Variants in FGF1 observed in about 807,000 individuals in gnomAD.
The protein encoded by FGF1 is fibroblast growth factor 1, also known as beta-endothelial cell growth factor.
A neutral mutation model predicts 13.4 loss-of-function variants in FGF1; 9 were observed. That is an observed-to-expected ratio of 0.67 (90% CI 0.40 to 1.17). The LOEUF (loss-of-function observed/expected upper bound fraction) is 1.17, where lower values mean the gene tolerates loss of function less well. Among genes scored for constraint, FGF1 ranks in the 50% most tolerant of loss-of-function variants. The pLI is 0.01. For synonymous variants in FGF1, 93 were observed against 79.0 expected, an observed-to-expected ratio of 1.18 and a Z score of -0.94; for missense variants, 156 against 192.7, an observed-to-expected ratio of 0.81 and a Z score of 1.13.
At position 142,615,501 on chromosome 5, in the gene FGF1, C is replaced by T. The variant is rs139223324; in HGVS notation, c.-34-1340G>A. On this transcript the variant is annotated intron_variant, in intron 1 of 3. Coordinates refer to ENST00000337706, the MANE Select transcript of FGF1 (RefSeq NM_000800.5). ...CCTCCCAAAGTGCTGGGATTACAGGCGTAAGCCACCGCGCCCGGCCTGGGA... is the reference window on the plus strand; with the variant it reads ...CCTCCCAAAGTGCTGGGATTACAGGTGTAAGCCACCGCGCCCGGCCTGGGA... 5.9e-5 allele frequency among the ~76,000 whole-genome samples: 9 copies of T among 152,308 alleles called. No homozygotes were observed. In the South Asian group the frequency reaches 8.3e-4, roughly 14 times the overall value.
At chr5:142,618,333 T>A (rs1760676352) in intron 1 of FGF1, among the ~76,000 whole-genome samples, 1 of 152,158 alleles carries the variant, frequency 6.6e-6, no homozygotes, top group South Asian at 2.1e-4. Flanking sequence ...ATGTGGATAG[T>A]AAGCAACCAC....
intron 1 of FGF1, among the ~76,000 whole-genome samples, chr5:142,659,152 AT>A (rs113945565): frequency 0.045 from 6,377 of 140,326 alleles, 460 homozygotes; most frequent in African/African-American, 0.15. Context: ...ACAGGCATGT[AT>A]TTTTTTTTTT....
Position 142,628,027 on chromosome 5 carries a change from G to A in FGF1, c.-34-13866C>T, listed in dbSNP as rs80324917. Among the ~76,000 whole-genome samples, 1,493 of 152,236 alleles carry A rather than the reference G, an allele frequency of 9.8e-3. 26 individuals are homozygous for A. Among genetic ancestry groups the A allele is most frequent in the African/African-American group, 0.034 (1,415 of 41,540 alleles). On this transcript the variant is annotated intron_variant, in intron 1 of 3. Coordinates refer to ENST00000337706, the MANE Select transcript of FGF1 (RefSeq NM_000800.5). ...CACAACCCAGCTGTTGGCAGGCAAA[G>A]GAGTCCTCCTTTATGGGAAGGAGAT...
At chr5:142,691,509 C>T (rs539526038) in intron 2 of FGF1, among the ~76,000 whole-genome samples, 1 of 152,130 alleles carries the variant, frequency 6.6e-6, no homozygotes, top group Admixed American at 6.5e-5. Flanking sequence ...CTTGTTCTGT[C>T]TCCCCTACCA....
At chr5:142,660,495 G>A (rs979890799) in intron 1 of FGF1, among the ~76,000 whole-genome samples, 1 of 152,286 alleles carries the variant, frequency 6.6e-6, no homozygotes, top group East Asian at 1.9e-4. Context: ...GTCTGCCCCC[G>A]CTCTGCTGCA....
In FGF1 at chr5:142,662,001, AAAAAAAC is replaced by A. The variant is rs555060176; in HGVS notation, c.-35+23949_-35+23955del. On this transcript the variant is annotated intron_variant, in intron 1 of 3. Transcript: ENST00000337706. Reference sequence around the variant, plus strand: ...GGCGACAGAGCAAGACTGCGTCTCAAAAAAAACAAAAAACAAAAAACACACAGACAAA... The same window carrying A: ...GGCGACAGAGCAAGACTGCGTCTCAAAAAAAACAAAAAACACACAGACAAA... Among the ~76,000 whole-genome samples, 1,490 of 152,244 alleles carry A rather than the reference AAAAAAAC, an allele frequency of 9.8e-3. 11 individuals are homozygous for A. Among genetic ancestry groups the A allele is most frequent in the Non-Finnish European group, 0.017 (1,150 of 68,008 alleles).
chr5:142,634,980 G>A (rs949428109), intron 1 of FGF1, among the ~76,000 whole-genome samples: 9 of 151,966 alleles, frequency 5.9e-5, no homozygotes, highest in African/African-American at 2.2e-4. Context: ...TCGATTGCTC[G>A]TTGTTGCACA....
At chr5:142,665,647 C>G (rs1770166532) in intron 1 of FGF1, among the ~76,000 whole-genome samples, 1 of 152,142 alleles carries the variant, frequency 6.6e-6, no homozygotes, top group South Asian at 2.1e-4. Flanking sequence ...TCATCTCTAC[C>G]CATTGAGTCC....
chr5:142,645,833 G>A (rs1286409557), intron 1 of FGF1, among the ~76,000 whole-genome samples: 1 of 152,024 alleles, frequency 6.6e-6, no homozygotes, highest in East Asian at 1.9e-4. Flanking sequence ...CTGAGCTCAG[G>A]CCACAGCCCA....
At chr5:142,626,177 G>C (rs763709578) in intron 1 of FGF1, among the ~76,000 whole-genome samples, 13 of 151,776 alleles carry the variant, frequency 8.6e-5, no homozygotes, top group Non-Finnish European at 1.8e-4. Context: ...TTTGTTTTTG[G>C]CTAGGAAGGA....
At chr5:142,623,746 A>AAT (rs1554081355) in intron 1 of FGF1, among the ~76,000 whole-genome samples, 195 of 146,030 alleles carry the variant, frequency 1.3e-3, no homozygotes, top group Non-Finnish European at 2.1e-3. Flanking sequence ...CATTAAAAAA[A>AAT]TTTTTTTTTT....
Position 142,620,261 on chromosome 5 carries a change from C to CA in FGF1, c.-34-6101dup, listed in dbSNP as rs373056477. On this transcript the variant is annotated intron_variant, in intron 1 of 3. Transcript: ENST00000337706. ...TGAAACCCTGTCTCTACTAAAAATA[C>CA]AAAAAAATTAGCTGGGCATGGTGGT... Among the ~76,000 whole-genome samples the CA allele has an allele frequency of 5.2e-3, 788 of 151,724 alleles. 7 individuals carry two copies. The highest frequency in any genetic ancestry group is 0.014 in the African/African-American group (570 of 41,382).
Position 142,635,624 on chromosome 5 carries a change from G to A in FGF1, c.-34-21463C>T, listed in dbSNP as rs181769437. ...CCCAAGCTGCATCTTGTGTTACAAG[G>A]CACAGGACATACCATGGCACTCCCA... On this transcript the variant is annotated intron_variant, in intron 1 of 3. Transcript: ENST00000337706. Among the ~76,000 whole-genome samples the A allele has an allele frequency of 3.3e-5, 5 of 152,308 alleles. No individual in the cohort carries two copies. The East Asian group carries it at 9.6e-4, about 29-fold the overall frequency.
upstream of FGF1, among the ~76,000 whole-genome samples, chr5:142,688,339 TAA>T (rs1443945070): frequency 6.6e-6 from 1 of 152,240 alleles, no homozygotes; most frequent in East Asian, 1.9e-4. Context: ...ATTTACCTTT[TAA>T]ATAACATATA....
chr5:142,645,910 T>C (rs540814237), intron 1 of FGF1, among the ~76,000 whole-genome samples: 1 of 152,198 alleles, frequency 6.6e-6, no homozygotes, highest in Non-Finnish European at 1.5e-5. Context: ...TTTTTTGTTT[T>C]TTTTGTTTGT....
At chr5:142,647,055 C>G (rs1212952822) in intron 1 of FGF1, among the ~76,000 whole-genome samples, 1 of 152,126 alleles carries the variant, frequency 6.6e-6, no homozygotes. Flanking sequence ...CACGCACCCA[C>G]AGAAAGAAAA....
chr5:142,667,258 T>A (rs1283593761), intron 1 of FGF1, among the ~76,000 whole-genome samples: 1 of 150,506 alleles, frequency 6.6e-6, no homozygotes, highest in Non-Finnish European at 1.5e-5. Context: ...TACTCCAGCC[T>A]GGGCAACAGA....
intron 1 of FGF1, among the ~76,000 whole-genome samples, chr5:142,660,332 T>C (rs763255548): frequency 3.9e-5 from 6 of 152,362 alleles, no homozygotes; most frequent in Admixed American, 6.5e-5. Context: ...GTCTCCAGCA[T>C]GGAGCCTTCA....
At chr5:142,666,029 G>A (rs184946227) in intron 1 of FGF1, among the ~76,000 whole-genome samples, 1 of 152,168 alleles carries the variant, frequency 6.6e-6, no homozygotes, top group Non-Finnish European at 1.5e-5. Context: ...CCACCACCCA[G>A]GGTCAGGAAA....
Sources: allele counts gnomAD v4.1 joint callset (sites outside exome capture counted in the v4.1 genomes callset), GRCh38; gene constraint gnomAD v4.1.1; transcripts MANE v1.5; gene names NCBI Gene and HGNC (gene_info 2026-07-23, HGNC 2026-07-21).